RASSF8: variants seen among roughly 807,000 people sequenced by gnomAD.
RASSF8 encodes the protein Ras association domain family member 8.
In RASSF8, 22 loss-of-function variants were observed where a neutral mutation model predicts 48.5. The ratio of observed to expected loss-of-function variants is 0.45; its 90% confidence interval spans 0.32 to 0.65. The LOEUF is 0.65. Among genes scored for constraint, RASSF8 ranks in the 30% least tolerant of loss-of-function variants. The probability of loss-of-function intolerance (pLI) is 0.03; values close to 1 mark genes in which losing one functional copy is unlikely to be tolerated. For synonymous variants in RASSF8, 127 were observed against 171.5 expected, an observed-to-expected ratio of 0.74 and a Z score of 2.03; for missense variants, 418 against 489.2, an observed-to-expected ratio of 0.85 and a Z score of 1.37.
chr12:26,007,614 A>C (rs975533986), intron 2 of RASSF8, among the ~76,000 whole-genome samples: 6 of 152,068 alleles, frequency 3.9e-5, no homozygotes, highest in Non-Finnish European at 8.8e-5. Flanking sequence ...AGAGAGGCCT[A>C]CTCTCACAGG....
intron 1 of RASSF8, among the ~76,000 whole-genome samples, chr12:25,984,058 T>C (rs1258436995): frequency 6.6e-6 from 1 of 152,070 alleles, no homozygotes; most frequent in East Asian, 1.9e-4. Flanking sequence ...GATACAATCA[T>C]GTATTTATTT....
At chr12:25,974,278 G>A (rs990898916) in intron 1 of RASSF8, among the ~76,000 whole-genome samples, 13 of 151,884 alleles carry the variant, frequency 8.6e-5, no homozygotes, top group African/African-American at 3.1e-4. Flanking sequence ...GGAGGGAGGT[G>A]GAAAGCCCAG....
intron 2 of RASSF8, among the ~76,000 whole-genome samples, chr12:26,008,269 T>TAA (rs11447818): frequency 3.4e-5 from 5 of 148,306 alleles, no homozygotes; most frequent in African/African-American, 7.4e-5. Flanking sequence ...AGACTCCGTT[T>TAA]AAAAAAAAAA....
intron 1 of RASSF8, among the ~76,000 whole-genome samples, chr12:25,967,000 C>T (rs1486733303): frequency 6.6e-6 from 1 of 152,294 alleles, no homozygotes; most frequent in Non-Finnish European, 1.5e-5. Flanking sequence ...TTCAGTTGTT[C>T]CAACACTGTT....
At chr12:26,066,871 A>C (rs1343367228) in intron 4 of RASSF8, among the ~76,000 whole-genome samples, 1 of 152,230 alleles carries the variant, frequency 6.6e-6, no homozygotes, top group African/African-American at 2.4e-5. Flanking sequence ...AAATAATAGG[A>C]TGCCCCTCCT....
intron 1 of RASSF8, among the ~76,000 whole-genome samples, chr12:25,979,098 G>C (rs1410285658): frequency 2.0e-5 from 3 of 152,126 alleles, no homozygotes. Flanking sequence ...AAAGAAGCTT[G>C]GGCTGGAAAT....
intron 2 of RASSF8, among the ~76,000 whole-genome samples, chr12:26,028,717 G>A (rs73079032): frequency 0.1 from 15,211 of 152,240 alleles, 805 homozygotes; most frequent in Middle Eastern, 0.16. Context: ...GAATGAGGAA[G>A]AGTGTACTGG....
At chr12:26,029,408 C>T (rs1037155537) in intron 2 of RASSF8, among the ~76,000 whole-genome samples, 1 of 152,202 alleles carries the variant, frequency 6.6e-6, no homozygotes, top group African/African-American at 2.4e-5. Context: ...GGAAGGGTGA[C>T]CTCTGGTGGC....
At chr12:26,006,005 C>T (rs186749642) in intron 2 of RASSF8, among the ~76,000 whole-genome samples, 1 of 152,256 alleles carries the variant, frequency 6.6e-6, no homozygotes, top group Admixed American at 6.5e-5. Flanking sequence ...AAACGTTAAA[C>T]CTTTCTCTTC....
chr12:25,968,779 T>G (rs150627923), intron 1 of RASSF8, among the ~76,000 whole-genome samples: 2,802 of 152,260 alleles, frequency 0.018, 40 homozygotes, highest in Middle Eastern at 0.031. Context: ...AGAGAGATAA[T>G]AAATGAACAA....
chr12:26,069,973 CAT>C lies in RASSF8; in HGVS notation c.*1158_*1159del. On this transcript the variant is annotated 3_prime_UTR_variant, in exon 6 of 6. Coordinates refer to ENST00000689635, the MANE Select transcript of RASSF8 (RefSeq NM_001394098.1). ...TACAAGACATTAATCTCCATTTGTA[CAT>C]ATGTTATTTTATTTGTAAAACCAAA... 1.0e-6 allele frequency: 1 copy of C among 974,076 alleles called. No individual in the cohort carries two copies. The highest frequency in any genetic ancestry group is 1.2e-6 in the Non-Finnish European group (1 of 819,662). 60.3% of individuals were successfully genotyped at this position (974,076 alleles called of 1,614,324 possible).
At chr12:26,064,233 A>G (rs1436612186) in intron 3 of RASSF8, among the ~76,000 whole-genome samples, 1 of 152,234 alleles carries the variant, frequency 6.6e-6, no homozygotes, top group Non-Finnish European at 1.5e-5. Context: ...AGAGTATAAG[A>G]GTCCCACCAA....
chr12:26,068,016 C>G (rs1163707103), intron 5 of RASSF8, among the ~76,000 whole-genome samples: 2 of 152,132 alleles, frequency 1.3e-5, no homozygotes, highest in Non-Finnish European at 2.9e-5. Flanking sequence ...AGTGATATGC[C>G]TGCCTCAGCT....
At chr12:26,049,594 A>G (rs1353414564) in intron 2 of RASSF8, among the ~76,000 whole-genome samples, 1 of 152,232 alleles carries the variant, frequency 6.6e-6, no homozygotes, top group Non-Finnish European at 1.5e-5. Flanking sequence ...CTCTACTTCA[A>G]AGTCATAGAG....
At chr12:26,004,253 G>A (rs1942331714) in intron 2 of RASSF8, among the ~76,000 whole-genome samples, 1 of 152,146 alleles carries the variant, frequency 6.6e-6, no homozygotes, top group Non-Finnish European at 1.5e-5. Context: ...CAGTCTCTAG[G>A]CAGGGATGAA....
intron 2 of RASSF8, among the ~76,000 whole-genome samples, chr12:25,996,289 G>C (rs1361032160): frequency 6.6e-6 from 1 of 152,172 alleles, no homozygotes; most frequent in Non-Finnish European, 1.5e-5. Flanking sequence ...TAAGAAAAAA[G>C]TAATGTGCTA....
chr12:26,035,969 T>TTA (rs1028589472), intron 2 of RASSF8, among the ~76,000 whole-genome samples: 18 of 146,958 alleles, frequency 1.2e-4, no homozygotes, highest in African/African-American at 3.2e-4. Flanking sequence ...TATTTATAAT[T>TTA]TATATATATA....
At chr12:25,987,944 C>A in intron 1 of RASSF8, among the ~76,000 whole-genome samples, 1 of 151,770 alleles carries the variant, frequency 6.6e-6, no homozygotes, top group East Asian at 1.9e-4. Context: ...CTCTGCCTCC[C>A]GGGTTCAAGC....
downstream of RASSF8, among the ~76,000 whole-genome samples, chr12:26,074,068 A>T (rs546434802): frequency 6.6e-6 from 1 of 152,148 alleles, no homozygotes; most frequent in Non-Finnish European, 1.5e-5. Flanking sequence ...CAAAATACCA[A>T]TAAGTCCTAG....
Sources: allele counts gnomAD v4.1 joint callset (sites outside exome capture counted in the v4.1 genomes callset), GRCh38; gene constraint gnomAD v4.1.1; transcripts MANE v1.5; gene names NCBI Gene and HGNC (gene_info 2026-07-23, HGNC 2026-07-21).